The following DLG2 variants were observed in gnomAD, a reference collection of about 807,000 sequenced individuals.
The protein encoded by DLG2 is disks large homolog 2.
A neutral mutation model predicts 132.5 loss-of-function variants in DLG2; 45 were observed. That is an observed-to-expected ratio of 0.34 (90% CI 0.27 to 0.44). The LOEUF (loss-of-function observed/expected upper bound fraction) is 0.44, where lower values mean the gene tolerates loss of function less well. DLG2 is among the 20% of genes least tolerant of loss of function. DLG2 has a pLI of 1.00. For missense variants in DLG2, 1,045 were observed against 1,196.9 expected, an observed-to-expected ratio of 0.87 and a Z score of 1.87; for synonymous variants, 424 against 419.6, an observed-to-expected ratio of 1.01 and a Z score of -0.13.
At chr11:85,119,666 T>G (rs1269185486) in intron 5 of DLG2, among the ~76,000 whole-genome samples, 1 of 152,016 alleles carries the variant, frequency 6.6e-6, no homozygotes, top group African/African-American at 2.4e-5. Flanking sequence ...GACTGTAACT[T>G]CTAAAACAAG....
intron 4 of DLG2, among the ~76,000 whole-genome samples, chr11:85,257,776 C>T (rs959406611): frequency 6.6e-6 from 1 of 152,122 alleles, no homozygotes; most frequent in African/African-American, 2.4e-5. Flanking sequence ...CAGGAAACAA[C>T]TTCTCCATAA....
chr11:85,084,063 T>A (rs1397726155), intron 6 of DLG2, among the ~76,000 whole-genome samples: 1 of 152,060 alleles, frequency 6.6e-6, no homozygotes, highest in Non-Finnish European at 1.5e-5. Context: ...TACAGGTACT[T>A]ATGGATTTTG....
intron 21 of DLG2, among the ~76,000 whole-genome samples, chr11:83,494,663 C>A (rs1427599313): frequency 6.6e-6 from 1 of 151,698 alleles, no homozygotes; most frequent in African/African-American, 2.4e-5. Context: ...GTTCACCATC[C>A]TTAGCCCTTA....
At chr11:84,570,208 C>T (rs2099476122) in intron 6 of DLG2, among the ~76,000 whole-genome samples, 1 of 152,124 alleles carries the variant, frequency 6.6e-6, no homozygotes. Context: ...TAAGACCCTC[C>T]CCTATCAACT....
intron 6 of DLG2, among the ~76,000 whole-genome samples, chr11:84,844,038 C>T (rs1487665034): frequency 3.4e-4 from 41 of 119,218 alleles, no homozygotes; most frequent in Admixed American, 1.5e-3. Context: ...TGTATATGTA[C>T]GTCTGTGTGT....
intron 19 of DLG2, among the ~76,000 whole-genome samples, chr11:83,568,483 C>A (rs914398392): frequency 6.6e-6 from 1 of 151,834 alleles, no homozygotes; most frequent in African/African-American, 2.4e-5. Context: ...CAAATTAGGT[C>A]GAAATTAAAG....
At chr11:84,138,898 G>A (rs1017805690) in intron 9 of DLG2, among the ~76,000 whole-genome samples, 7 of 142,054 alleles carry the variant, frequency 4.9e-5, no homozygotes, top group East Asian at 2.1e-4. Context: ...GCAATGAGCC[G>A]AGATCATGCC....
At chr11:85,104,887 A>C (rs1224332005) in intron 6 of DLG2, among the ~76,000 whole-genome samples, 3 of 149,880 alleles carry the variant, frequency 2.0e-5, no homozygotes, top group Admixed American at 1.3e-4. Flanking sequence ...AAAAAAAAAA[A>C]AAAAAAAAAA....
intron 7 of DLG2, among the ~76,000 whole-genome samples, chr11:84,414,298 T>C (rs1270151842): frequency 1.3e-5 from 2 of 152,204 alleles, no homozygotes; most frequent in Admixed American, 6.5e-5. Context: ...GTATTCAGGA[T>C]AGTCTGACTA....
chr11:85,158,778 A>G (rs1024551165), intron 4 of DLG2, among the ~76,000 whole-genome samples: 1 of 152,178 alleles, frequency 6.6e-6, no homozygotes. Context: ...ACTCGTGTAG[A>G]GCTCTGGCAC....
chr11:84,839,445 T>A (rs930231946), intron 6 of DLG2, among the ~76,000 whole-genome samples: 1 of 151,990 alleles, frequency 6.6e-6, no homozygotes, highest in African/African-American at 2.4e-5. Flanking sequence ...TTCAATGCCA[T>A]CCCCATCAAG....
intron 3 of DLG2, among the ~76,000 whole-genome samples, chr11:85,442,413 A>G (rs950291104): frequency 2.6e-5 from 4 of 152,212 alleles, no homozygotes; most frequent in African/African-American, 7.2e-5. Flanking sequence ...AGTTAGAGAC[A>G]GTGAGACTTG....
At chr11:84,832,774 T>A (rs977219913) in intron 6 of DLG2, among the ~76,000 whole-genome samples, 5 of 151,602 alleles carry the variant, frequency 3.3e-5, no homozygotes, top group Non-Finnish European at 7.4e-5. Context: ...TTCTTAAGCT[T>A]ACAAAACTGC....
At chr11:83,620,355 T>A (rs899764975) in intron 19 of DLG2, among the ~76,000 whole-genome samples, 1 of 152,224 alleles carries the variant, frequency 6.6e-6, no homozygotes, top group South Asian at 2.1e-4. Context: ...TGTCAAAAAG[T>A]GGGTCTGTTT....
intron 9 of DLG2, among the ~76,000 whole-genome samples, chr11:84,117,244 T>A (rs561100373): frequency 4.6e-5 from 7 of 152,360 alleles, no homozygotes; most frequent in East Asian, 1.9e-4. Flanking sequence ...GGAGTATATG[T>A]GTATTTGCCT....
chr11:85,266,865 G>A (rs556877536), intron 4 of DLG2, among the ~76,000 whole-genome samples: 1 of 152,170 alleles, frequency 6.6e-6, no homozygotes, highest in Admixed American at 6.5e-5. Context: ...CTCAAAAAAT[G>A]TTAGAAACCA....
At chr11:84,876,381 G>C (rs71469659) in intron 6 of DLG2, among the ~76,000 whole-genome samples, 10,184 of 152,166 alleles carry the variant, frequency 0.067, 485 homozygotes, top group Non-Finnish European at 0.099. Context: ...GGTCTACTCA[G>C]GGATTTGACT....
At chr11:84,924,252 C>T (rs1015076277) in intron 6 of DLG2, among the ~76,000 whole-genome samples, 6 of 152,004 alleles carry the variant, frequency 3.9e-5, no homozygotes, top group Admixed American at 3.9e-4. Context: ...CTTGGGAAGC[C>T]GATTCTCAGC....
intron 9 of DLG2, among the ~76,000 whole-genome samples, chr11:84,120,748 T>C (rs752240443): frequency 5.9e-5 from 9 of 152,206 alleles, no homozygotes; most frequent in Admixed American, 2.6e-4. Flanking sequence ...ACCAACAAAA[T>C]AGAACTACAG....
Sources: gnomAD v4.1 joint callset for allele counts (sites outside exome capture counted in the v4.1 genomes callset) on GRCh38, gnomAD v4.1.1 for gene constraint, MANE v1.5 for transcripts, NCBI Gene and HGNC (gene_info 2026-07-23, HGNC 2026-07-21) for gene names.